The following ATF6 variants were observed in gnomAD, a reference collection of about 807,000 sequenced individuals.
ATF6 encodes the protein cyclic AMP-dependent transcription factor ATF-6 alpha.
ATF6 carries 53 observed loss-of-function variants against 83.6 expected under a neutral mutation model. The observed-to-expected ratio is 0.63, with a 90% CI of 0.51 to 0.80. The LOEUF is 0.80. Ranked by LOEUF, ATF6 falls within the 30% of genes least tolerant of loss-of-function variation. The probability of loss-of-function intolerance (pLI) is 0.00; values close to 1 mark genes in which losing one functional copy is unlikely to be tolerated. For missense variants in ATF6, 744 were observed against 797.9 expected (o/e 0.93, Z 0.81); for synonymous variants, 288 against 285.8 (o/e 1.01, Z -0.08).
intron 2 of ATF6, among the ~76,000 whole-genome samples, chr1:161,781,586 T>C (rs1014632982): frequency 6.6e-6 from 1 of 152,242 alleles, no homozygotes; most frequent in African/African-American, 2.4e-5. Context: ...AAATGTATTT[T>C]GCTGGATTTC....
chr1:161,827,238 A>T (rs1685926155), intron 9 of ATF6, among the ~76,000 whole-genome samples: 3 of 152,092 alleles, frequency 2.0e-5, no homozygotes, highest in Non-Finnish European at 2.9e-5. Context: ...GCCTGTTTTC[A>T]GTCTTTTTAC....
chr1:161,890,339 G>A (rs899975289), intron 14 of ATF6, among the ~76,000 whole-genome samples: 1 of 152,140 alleles, frequency 6.6e-6, no homozygotes, highest in Non-Finnish European at 1.5e-5. Context: ...GATTTTCTAC[G>A]GAGAAAGCAA....
intron 9 of ATF6, among the ~76,000 whole-genome samples, chr1:161,841,127 T>A (rs533982146): frequency 6.6e-6 from 1 of 152,320 alleles, no homozygotes; most frequent in East Asian, 1.9e-4. Flanking sequence ...ATCTAAAAGT[T>A]CATATAAATA....
intron 14 of ATF6, among the ~76,000 whole-genome samples, chr1:161,887,290 G>T (rs752159449): frequency 1.3e-4 from 20 of 151,794 alleles, no homozygotes; most frequent in Non-Finnish European, 2.5e-4. Flanking sequence ...ATGTTGGCCA[G>T]TCTGGTCTCG....
In ATF6 at chr1:161,818,368, A is replaced by T. The variant is rs749522367; in HGVS notation, c.910-1265A>T. On this transcript the variant is annotated intron_variant, in intron 7 of 15. Transcript: ENST00000367942. ...GGCTTCATAACTTAATTTAGAAAAC[A>T]TAACAAAAATAATTTCGCTCAGTAA... 1.3e-5 allele frequency among the ~76,000 whole-genome samples: 2 copies of T among 152,364 alleles called. 1 individual carries two copies. Among genetic ancestry groups the T allele is most frequent in the South Asian group, 4.1e-4 (2 of 4,828 alleles).
At chr1:161,847,533 T>C (rs537912140) in intron 10 of ATF6, among the ~76,000 whole-genome samples, 2 of 152,244 alleles carry the variant, frequency 1.3e-5, no homozygotes, top group East Asian at 3.9e-4. Flanking sequence ...AACATAGCAA[T>C]GATAGATGTC....
chr1:161,931,835 TTCTTGAGCAAGCCTTA>T (rs747778636), intron 15 of ATF6, among the ~76,000 whole-genome samples: 3 of 152,188 alleles, frequency 2.0e-5, no homozygotes, highest in Non-Finnish European at 4.4e-5. Flanking sequence ...TCTTTTCACT[TTCTTGAGCAAGCCTTA>T]TCTTGAGCAA....
chr1:161,827,692 G>A (rs996759948), intron 9 of ATF6, among the ~76,000 whole-genome samples: 1 of 152,036 alleles, frequency 6.6e-6, no homozygotes, highest in Admixed American at 6.6e-5. Flanking sequence ...ATATTGGTAT[G>A]CCTTAAACAT....
At chr1:161,912,246 A>G (rs1325419273) in intron 14 of ATF6, 50 bp from the exon 15 acceptor site, 4 of 1,386,528 alleles carry the variant, frequency 2.9e-6, no homozygotes, top group Non-Finnish European at 2.0e-6. Context: ...GGCCTGTTCT[A>G]GGACTAAGCC....
At chr1:161,790,056 G>A (rs1015363178) in intron 4 of ATF6, among the ~76,000 whole-genome samples, 3 of 151,898 alleles carry the variant, frequency 2.0e-5, no homozygotes, top group Non-Finnish European at 4.4e-5. Flanking sequence ...ACTACCATTT[G>A]CGTTTCCTTT....
Position 161,831,517 on chromosome 1 carries a change from T to A in ATF6, c.1187+10356T>A, listed in dbSNP as rs1195296721. 2.6e-5 allele frequency among the ~76,000 whole-genome samples: 4 copies of A among 152,260 alleles called. No homozygotes were observed. The South Asian group carries it at 6.2e-4, about 24-fold the overall frequency. On this transcript the variant is annotated intron_variant, in intron 9 of 15. Coordinates refer to ENST00000367942, the MANE Select transcript of ATF6 (RefSeq NM_007348.4). Reference sequence around the variant, plus strand: ...ACACATATGTTTATTGTGGCACTATTCACAATAGCAAAGACTTGGAACCAA... The same window carrying A: ...ACACATATGTTTATTGTGGCACTATACACAATAGCAAAGACTTGGAACCAA...
intron 7 of ATF6, among the ~76,000 whole-genome samples, chr1:161,811,346 T>C (rs542343594): frequency 4.9e-4 from 74 of 152,330 alleles, no homozygotes; most frequent in African/African-American, 1.7e-3. Context: ...TCGAGAATGA[T>C]ATTCAAGAAT....
At chr1:161,827,572 C>T (rs1056726932) in intron 9 of ATF6, among the ~76,000 whole-genome samples, 17 of 151,476 alleles carry the variant, frequency 1.1e-4, no homozygotes, top group South Asian at 2.1e-4. Context: ...ATCACATTAC[C>T]GAGTAAAGTG....
chr1:161,871,982 A>C (rs1419668429), intron 14 of ATF6, among the ~76,000 whole-genome samples: 1 of 151,658 alleles, frequency 6.6e-6, no homozygotes, highest in Non-Finnish European at 1.5e-5. Flanking sequence ...AAAAACAACA[A>C]AATGTGAAGT....
chr1:161,812,784 C>CTGTGTG (rs4040222), intron 7 of ATF6, among the ~76,000 whole-genome samples: 1,797 of 145,422 alleles, frequency 0.012, 35 homozygotes, highest in African/African-American at 0.032. Flanking sequence ...TTTGCCTCCT[C>CTGTGTG]TGTGTGTGTG....
intron 14 of ATF6, among the ~76,000 whole-genome samples, chr1:161,865,227 T>C (rs1312179982): frequency 6.6e-6 from 1 of 152,062 alleles, no homozygotes; most frequent in Middle Eastern, 3.2e-3. Context: ...TGGTGCCATC[T>C]TGGCTTACTA....
intron 7 of ATF6, among the ~76,000 whole-genome samples, chr1:161,809,173 T>C (rs534827396): frequency 6.6e-5 from 10 of 152,324 alleles, no homozygotes; most frequent in African/African-American, 1.9e-4. Flanking sequence ...TAGGTATATC[T>C]CCTAATGCTA....
At chr1:161,800,083 G>A (rs16846975) in intron 6 of ATF6, among the ~76,000 whole-genome samples, 1,980 of 152,224 alleles carry the variant, frequency 0.013, 48 homozygotes, top group African/African-American at 0.044. Context: ...AGATCTGAAA[G>A]GAAACACTTA....
At chr1:161,919,957 G>T (rs1688171706) in intron 15 of ATF6, among the ~76,000 whole-genome samples, 1 of 152,124 alleles carries the variant, frequency 6.6e-6, no homozygotes, top group Non-Finnish European at 1.5e-5. Flanking sequence ...AAAAATAAAA[G>T]AATATTCATA....
Sources: allele counts gnomAD v4.1 joint callset (sites outside exome capture counted in the v4.1 genomes callset), GRCh38; gene constraint gnomAD v4.1.1; transcripts MANE v1.5; gene names NCBI Gene and HGNC (gene_info 2026-07-23, HGNC 2026-07-21).